NSUN6: variants seen among roughly 807,000 people sequenced by gnomAD.
The protein encoded by NSUN6 is NOP2/Sun RNA methyltransferase 6, also known as tRNA (cytosine(72)-C(5))-methyltransferase NSUN6.
A neutral mutation model predicts 58.0 loss-of-function variants in NSUN6; 64 were observed. The ratio of observed to expected loss-of-function variants is 1.10; its 90% CI spans 0.90 to 1.36. The LOEUF is 1.36. Ranked by LOEUF, NSUN6 falls within the 40% of genes most tolerant of loss-of-function variation. The pLI is 0.00. For missense variants in NSUN6, 701 were observed against 550.1 expected, an observed-to-expected ratio of 1.27 and a Z score of -2.74; for synonymous variants, 231 against 193.9, an observed-to-expected ratio of 1.19 and a Z score of -1.59.
intron 6 of NSUN6, among the ~76,000 whole-genome samples, chr10:18,601,754 G>C (rs1387024030): frequency 6.6e-6 from 1 of 151,906 alleles, no homozygotes; most frequent in African/African-American, 2.4e-5. Flanking sequence ...AAGCTGAGGC[G>C]GCCAGATCAC....
intron 8 of NSUN6, among the ~76,000 whole-genome samples, chr10:18,585,714 G>A (rs2057101620): frequency 6.6e-6 from 1 of 152,138 alleles, no homozygotes. Context: ...ACGGGAGTAA[G>A]TTTTTGAGAT....
At chr10:18,566,903 C>G (rs1015680477) in intron 8 of NSUN6, among the ~76,000 whole-genome samples, 4 of 150,580 alleles carry the variant, frequency 2.7e-5, no homozygotes, top group African/African-American at 4.9e-5. Flanking sequence ...TTTCCATTGT[C>G]CATTCTATTC....
At chr10:18,625,651 T>G (rs1335439729) in intron 3 of NSUN6, among the ~76,000 whole-genome samples, 12 of 134,956 alleles carry the variant, frequency 8.9e-5, no homozygotes, top group Admixed American at 1.8e-4. Context: ...ACGCAAAAGC[T>G]GCAGTGAGCC....
chr10:18,629,459 C>T (rs991930925), intron 3 of NSUN6, among the ~76,000 whole-genome samples: 2 of 150,040 alleles, frequency 1.3e-5, no homozygotes, highest in Non-Finnish European at 3.0e-5. Context: ...CACAGACTGG[C>T]AAATTGGATA....
At chr10:18,584,691 T>C (rs1243963994) in intron 8 of NSUN6, among the ~76,000 whole-genome samples, 1 of 152,128 alleles carries the variant, frequency 6.6e-6, no homozygotes, top group African/African-American at 2.4e-5. Flanking sequence ...CAACTAGCTC[T>C]GAGGTGGACA....
chr10:18,644,447 T>C (rs1345826635), intron 2 of NSUN6, among the ~76,000 whole-genome samples: 5 of 152,152 alleles, frequency 3.3e-5, no homozygotes, highest in African/African-American at 4.8e-5. Context: ...GTGATGCTAC[T>C]GTGCTGCTTA....
At chr10:18,625,533 T>C (rs2058761499) in intron 3 of NSUN6, among the ~76,000 whole-genome samples, 1 of 151,518 alleles carries the variant, frequency 6.6e-6, no homozygotes, top group Non-Finnish European at 1.5e-5. Context: ...ACCAACATGG[T>C]AAAACTCCGT....
chr10:18,586,063 T>TG lies in NSUN6; in HGVS notation c.807dup (p.Asn270GlnfsTer24), dbSNP rs1481215283. 6.2e-7 allele frequency: 1 copy of TG among 1,608,336 alleles called. No individual in the cohort carries two copies. Among genetic ancestry groups the TG allele is most frequent in the African/African-American group, 1.3e-5 (1 of 74,532 alleles). On this transcript the variant is annotated frameshift_variant, in exon 8 of 11. Transcript: ENST00000377304. LOFTEE classifies it high-confidence loss of function. ...TTCTGTTTGATTTTTTCTACTTTGT[T>TG]GAAGATTTTATCCAGTGCTATAACT...
chr10:18,568,143 A>G (rs1333995780), intron 8 of NSUN6, among the ~76,000 whole-genome samples: 1 of 149,000 alleles, frequency 6.7e-6, no homozygotes, highest in Non-Finnish European at 1.5e-5. Flanking sequence ...TACATTTCTC[A>G]TGCCATTCCA....
intron 3 of NSUN6, among the ~76,000 whole-genome samples, chr10:18,621,852 A>G (rs973926868): frequency 2.6e-5 from 4 of 152,222 alleles, no homozygotes; most frequent in Non-Finnish European, 4.4e-5. Flanking sequence ...ACATACTAAC[A>G]ACCCTACACC....
At chr10:18,648,885 T>C (rs2059625766) in intron 1 of NSUN6, among the ~76,000 whole-genome samples, 1 of 152,204 alleles carries the variant, frequency 6.6e-6, no homozygotes, top group Non-Finnish European at 1.5e-5. Context: ...TAGAAAAACA[T>C]TGCCTAAACT....
At chr10:18,658,787 G>A, upstream of NSUN6, 1 of 251,458 alleles carries the variant, frequency 4.0e-6, no homozygotes, top group Non-Finnish European at 6.3e-6. Context: ...AAGATCGCTT[G>A]AGCCCAGGAA....
intron 9 of NSUN6, among the ~76,000 whole-genome samples, chr10:18,550,089 T>C (rs1364559959): frequency 6.6e-6 from 1 of 152,244 alleles, no homozygotes; most frequent in Non-Finnish European, 1.5e-5. Context: ...TATATTCTAG[T>C]TCTCTCTGAT....
At chr10:18,597,549 T>G (rs4285782) in intron 6 of NSUN6, among the ~76,000 whole-genome samples, 48,519 of 151,926 alleles carry the variant, frequency 0.32, 8,799 homozygotes, top group East Asian at 0.74. Flanking sequence ...GCGGGAGGAT[T>G]GCCTGAGGTC....
rs372230022 is a variant in NSUN6, at chr10:18,613,832, CTA to C, written c.575+626_575+627del. 2.0e-5 allele frequency among the ~76,000 whole-genome samples: 3 copies of C among 152,232 alleles called. No homozygotes were observed. The East Asian group carries it at 5.8e-4, about 29-fold the overall frequency. On this transcript the variant is annotated intron_variant, in intron 5 of 10. Transcript: ENST00000377304. ...GAGAAATTCACAGCTTTCAGCATGT[CTA>C]TGTCAGCCATGAACTTTGGAGTAAT...
chr10:18,571,117 CTT>C (rs1227943029), intron 8 of NSUN6, among the ~76,000 whole-genome samples: 1 of 147,924 alleles, frequency 6.8e-6, no homozygotes, highest in Non-Finnish European at 1.5e-5. Context: ...TTCCATTCCA[CTT>C]TTCATTCCAT....
chr10:18,554,085 G>A (rs1390095467), intron 8 of NSUN6, among the ~76,000 whole-genome samples: 2 of 151,362 alleles, frequency 1.3e-5, no homozygotes, highest in East Asian at 3.9e-4. Context: ...CAATGGAATG[G>A]AGACTGGAAT....
At chr10:18,653,494 C>A (rs553875215), upstream of NSUN6, 2 of 165,302 alleles carry the variant, frequency 1.2e-5, no homozygotes, top group South Asian at 3.9e-4. Context: ...GCCTCAGCCT[C>A]CCCAGTAGCT....
At chr10:18,550,060 T>A (rs1034120569) in intron 9 of NSUN6, among the ~76,000 whole-genome samples, 12 of 152,262 alleles carry the variant, frequency 7.9e-5, no homozygotes, top group Non-Finnish European at 1.8e-4. Context: ...TTTCTCTCCA[T>A]GCCAAATGGC....
Sources: gnomAD v4.1 joint callset for allele counts (sites outside exome capture counted in the v4.1 genomes callset) on GRCh38, gnomAD v4.1.1 for gene constraint, MANE v1.5 for transcripts, NCBI Gene and HGNC (gene_info 2026-07-23, HGNC 2026-07-21) for gene names.